Variants in PPP2R2A observed in about 807,000 individuals in gnomAD.
PPP2R2A encodes serine/threonine-protein phosphatase 2A 55 kDa regulatory subunit B alpha isoform.
PPP2R2A carries 9 observed loss-of-function variants against 53.2 expected under a neutral mutation model. The observed-to-expected ratio is 0.17, with a 90% CI of 0.10 to 0.30. PPP2R2A has a LOEUF of 0.30. Among genes scored for constraint, PPP2R2A ranks in the 10% least tolerant of loss-of-function variants. The probability of loss-of-function intolerance (pLI) is 1.00; values close to 1 mark genes in which losing one functional copy is unlikely to be tolerated. For synonymous variants in PPP2R2A, 169 were observed against 174.2 expected (o/e 0.97, Z 0.23); for missense variants, 235 against 534.6 (o/e 0.44, Z 5.53).
chr8:26,328,795 T>C (rs1478653500), intron 2 of PPP2R2A, among the ~76,000 whole-genome samples: 1 of 152,204 alleles, frequency 6.6e-6, no homozygotes, highest in Non-Finnish European at 1.5e-5. Flanking sequence ...TTAAGAGTGA[T>C]GATTATCCTT....
chr8:26,336,944 G>A (rs900384223), intron 2 of PPP2R2A, among the ~76,000 whole-genome samples: 2 of 151,892 alleles, frequency 1.3e-5, no homozygotes, highest in African/African-American at 2.4e-5. Context: ...AGCAGAGAGT[G>A]TAGTCAGGCT....
In PPP2R2A at chr8:26,371,791, A is replaced by G. The variant is rs968925225; in HGVS notation, c.*1378A>G. On this transcript the variant is annotated 3_prime_UTR_variant, in exon 10 of 10. Transcript: ENST00000380737. ...CAAATAAAAATCTGTATATGAATAC[A>G]TTTTCCCTAAGCGGTGATACATTAT... 6.6e-6 allele frequency: 1 copy of G among 152,212 alleles called. No individual in the cohort carries two copies. Among genetic ancestry groups the G allele is most frequent in the Non-Finnish European group, 1.5e-5 (1 of 68,032 alleles). 9.4% of individuals were successfully genotyped at this position (152,212 alleles called of 1,614,324 possible). A position where few individuals can be genotyped will look rare whatever the true frequency, so the allele number is the denominator to read the frequency against.
chr8:26,346,114 C>T (rs1804197832), intron 3 of PPP2R2A, among the ~76,000 whole-genome samples: 1 of 113,716 alleles, frequency 8.8e-6, no homozygotes, highest in East Asian at 2.5e-4. Flanking sequence ...GATTACCAGT[C>T]GGGTTATTAT....
At chr8:26,369,250 A>G (rs1054668226) in intron 9 of PPP2R2A, among the ~76,000 whole-genome samples, 1 of 152,102 alleles carries the variant, frequency 6.6e-6, no homozygotes, top group East Asian at 1.9e-4. Context: ...TTTATGAGAC[A>G]GAGTCTCACT....
chr8:26,360,848 TA>T lies in PPP2R2A; in HGVS notation c.460-123del. 1 of 894,698 alleles carries T rather than the reference TA, an allele frequency of 1.1e-6. No homozygotes were observed. The highest frequency in any genetic ancestry group is 1.6e-6 in the Non-Finnish European group (1 of 622,084). The allele number at this position is 894,698 out of a possible 1,614,324, so 55.4% of individuals were successfully genotyped here. On this transcript the variant is annotated intron_variant, in intron 5 of 9. Transcript: ENST00000380737. The surrounding 1 kb of genome is among the most constrained non-coding windows in gnomAD (Gnocchi z 4.5). ...ATCAACATCAGTTGCTTTTTAAAAC[TA>T]AATCTATGTAATATTGTTCTATTTT...
intron 2 of PPP2R2A, among the ~76,000 whole-genome samples, chr8:26,319,427 C>T (rs1185689409): frequency 6.6e-6 from 1 of 152,180 alleles, no homozygotes; most frequent in Non-Finnish European, 1.5e-5. Flanking sequence ...TTTTCACCAG[C>T]AATACGCAAG....
At chr8:26,355,936 C>T (rs1053286883) in intron 4 of PPP2R2A, among the ~76,000 whole-genome samples, 2 of 151,192 alleles carry the variant, frequency 1.3e-5, no homozygotes, top group African/African-American at 4.9e-5. Context: ...GAGTTGGGTG[C>T]TTTCTCTTTG....
intron 2 of PPP2R2A, among the ~76,000 whole-genome samples, chr8:26,301,787 C>T (rs554152185): frequency 1.3e-5 from 2 of 152,298 alleles, no homozygotes; most frequent in South Asian, 2.1e-4. Flanking sequence ...ACTATTTTCA[C>T]AGTAGTACTC....
intron 3 of PPP2R2A, among the ~76,000 whole-genome samples, chr8:26,352,179 G>A (rs758498149): frequency 3.0e-4 from 46 of 152,198 alleles, no homozygotes; most frequent in Non-Finnish European, 5.9e-5. Context: ...CTGTATGACT[G>A]TAGGAGAGGT....
chr8:26,360,979 A>C lies in PPP2R2A; in HGVS notation c.465A>C (p.Pro155=). 1 of 1,591,206 alleles carries C rather than the reference A, an allele frequency of 6.3e-7. No individual in the cohort carries two copies. The highest frequency in any genetic ancestry group is 2.3e-5 in the East Asian group (1 of 43,860). Residue 155 remains proline (P), a synonymous_variant, in exon 6 of 10, where the codon CCA becomes CCC. Coordinates refer to ENST00000380737, the MANE Select transcript of PPP2R2A (RefSeq NM_002717.4). This position sits in a 1 kb window ranked among gnomAD's most constrained non-coding sequence, Gnocchi z 4.5. Reference sequence around the variant, plus strand: ...TTCATGTGTCTTATTGACAGGTGCCAGTCTTTAGGCCTATGGATCTAATGG... The same window carrying C: ...TTCATGTGTCTTATTGACAGGTGCCCGTCTTTAGGCCTATGGATCTAATGG... The part of the protein sequence containing the change: ...DPTTVTTLRV[P]VFRPMDLMVE...
intron 2 of PPP2R2A, among the ~76,000 whole-genome samples, chr8:26,307,807 A>T (rs1374841162): frequency 6.6e-6 from 1 of 152,236 alleles, no homozygotes; most frequent in Non-Finnish European, 1.5e-5. Flanking sequence ...CATTTTATAG[A>T]TGAGGAAATC....
intron 2 of PPP2R2A, chr8:26,298,544 TTA>T (rs1184543925): frequency 6.6e-6 from 1 of 152,174 alleles, no homozygotes; most frequent in Non-Finnish European, 1.5e-5. Context: ...GCTTAAATTG[TTA>T]TGACCACGCA....
At position 26,291,677 on chromosome 8, in the gene PPP2R2A, TCCCCCC is replaced by T; in HGVS notation, c.-142_-137del. On this transcript the variant is annotated 5_prime_UTR_variant, in exon 1 of 10. Coordinates refer to ENST00000380737, the MANE Select transcript of PPP2R2A (RefSeq NM_002717.4). ...TGGTCTGCCCGCCCCTCCTTCCTTT[TCCCCCC>T]GGCCCCCGTCCCCTCCCCCCGCAGG... 1.8e-5 allele frequency: 8 copies of T among 451,622 alleles called. No individual in the cohort carries two copies. Among genetic ancestry groups the T allele is most frequent in the Admixed American group, 7.6e-5 (2 of 26,364 alleles). The allele number at this position is 451,622 out of a possible 1,614,324, so 28.0% of individuals were successfully genotyped here.
At chr8:26,314,484 A>T (rs751984049) in intron 2 of PPP2R2A, among the ~76,000 whole-genome samples, 1 of 151,884 alleles carries the variant, frequency 6.6e-6, no homozygotes. Context: ...GTTTTATGCT[A>T]TTATTTTGGG....
intron 2 of PPP2R2A, among the ~76,000 whole-genome samples, chr8:26,335,473 T>C (rs1803607465): frequency 1.3e-5 from 2 of 152,204 alleles, no homozygotes; most frequent in South Asian, 4.1e-4. Context: ...TTACATTAAA[T>C]ATATGCGGTA....
chr8:26,352,732 G>A (rs1479239075), intron 3 of PPP2R2A, among the ~76,000 whole-genome samples: 1 of 152,130 alleles, frequency 6.6e-6, no homozygotes, highest in Non-Finnish European at 1.5e-5. Flanking sequence ...TGTTGTCCAC[G>A]AGTCTACAGG....
At chr8:26,369,454 G>A (rs995025992) in intron 9 of PPP2R2A, among the ~76,000 whole-genome samples, 2 of 150,556 alleles carry the variant, frequency 1.3e-5, no homozygotes, top group South Asian at 2.1e-4. Context: ...GCAGTGGCAC[G>A]ACCTTGGCTC....
At chr8:26,367,601 A>G (rs1805446576) in intron 9 of PPP2R2A, among the ~76,000 whole-genome samples, 1 of 152,144 alleles carries the variant, frequency 6.6e-6, no homozygotes, top group Non-Finnish European at 1.5e-5. Flanking sequence ...TTATAGCTAT[A>G]TTTGTCCACA....
intron 3 of PPP2R2A, among the ~76,000 whole-genome samples, chr8:26,349,841 T>C (rs78304495): frequency 0.064 from 9,699 of 152,250 alleles, 470 homozygotes; most frequent in East Asian, 0.25. Context: ...GTGAACATTC[T>C]TACTCATGTT....
Sources: gnomAD v4.1 joint callset for allele counts (sites outside exome capture counted in the v4.1 genomes callset) on GRCh38, gnomAD v4.1.1 for gene constraint, Gnocchi (gnomAD v3.1) non-coding constraint, MANE v1.5 for transcripts, NCBI Gene and HGNC (gene_info 2026-07-23, HGNC 2026-07-21) for gene names.